The following ABCA13 variants were observed in gnomAD, a reference collection of about 807,000 sequenced individuals.
The protein encoded by ABCA13 is ATP-binding cassette sub-family A member 13.
A neutral mutation model predicts 478.7 loss-of-function variants in ABCA13; 476 were observed. The ratio of observed to expected loss-of-function variants is 0.99; its 90% confidence interval spans 0.92 to 1.07. The LOEUF is 1.07. Ranked by LOEUF, ABCA13 falls within the 50% of genes least tolerant of loss-of-function variation. The pLI is 0.00. For missense variants in ABCA13, 6,060 were observed against 5,910.6 expected (o/e 1.03, Z -0.83); for synonymous variants, 2,252 against 2,158.9 (o/e 1.04, Z -1.20).
intron 55 of ABCA13, among the ~76,000 whole-genome samples, chr7:48,541,014 A>G (rs1033500530): frequency 2.0e-5 from 3 of 152,164 alleles, no homozygotes; most frequent in Admixed American, 1.3e-4. Flanking sequence ...TTTAAGACTA[A>G]GATTTGTTTT....
intron 58 of ABCA13, among the ~76,000 whole-genome samples, chr7:48,608,941 C>G (rs1162412704): frequency 6.6e-6 from 1 of 152,114 alleles, no homozygotes; most frequent in Non-Finnish European, 1.5e-5. Context: ...AAGTCCTACC[C>G]TGGGATTTGT....
At chr7:48,459,535 T>A (rs149888737) in intron 43 of ABCA13, among the ~76,000 whole-genome samples, 1 of 152,200 alleles carries the variant, frequency 6.6e-6, no homozygotes, top group East Asian at 1.9e-4. Flanking sequence ...AGATGCCCCC[T>A]TCCAAGGATC....
intron 41 of ABCA13, among the ~76,000 whole-genome samples, chr7:48,422,925 T>C (rs541660667): frequency 4.5e-4 from 69 of 152,324 alleles, no homozygotes; most frequent in African/African-American, 1.6e-3. Flanking sequence ...CCAAACAATA[T>C]TGGCAGCCAC....
At position 48,367,788 on chromosome 7, in the gene ABCA13, T is replaced by C. The variant is rs758754950; in HGVS notation, c.10689-6T>C. On this transcript the variant is annotated splice_region_variant and splice_polypyrimidine_tract_variant and intron_variant, in intron 31 of 61. Transcript: ENST00000435803. ...TCCGGATGCTGACTGAATTATCCCC[T>C]TACAGATTCCTGAACAACGTTGGTT... The C allele has an allele frequency of 2.7e-5, 42 of 1,554,626 alleles. No homozygotes were observed. Among genetic ancestry groups the C allele is most frequent in the Non-Finnish European group, 3.6e-5 (41 of 1,146,954 alleles).
intron 7 of ABCA13, among the ~76,000 whole-genome samples, chr7:48,230,848 CATTT>C (rs1788960747): frequency 6.6e-6 from 1 of 152,188 alleles, no homozygotes; most frequent in Admixed American, 6.5e-5. Context: ...TTCATCTGTT[CATTT>C]ATTTATTCAT....
At chr7:48,377,011 C>T (rs553414469) in intron 35 of ABCA13, among the ~76,000 whole-genome samples, 1 of 152,196 alleles carries the variant, frequency 6.6e-6, no homozygotes, top group African/African-American at 2.4e-5. Flanking sequence ...ATGGCAGGAC[C>T]TGGGGAGAAG....
chr7:48,214,590 A>G (rs1267374635), intron 3 of ABCA13, among the ~76,000 whole-genome samples: 2 of 152,200 alleles, frequency 1.3e-5, no homozygotes, highest in African/African-American at 4.8e-5. Flanking sequence ...CTTCTGGAGA[A>G]CTTGCTTCAG....
rs1262604710 is a variant in ABCA13, at chr7:48,279,427, G to A, written c.8233G>A (p.Ala2745Thr). The change falls in exon 18 of 62, where the codon GCT becomes ACT. Residue 2745 changes from alanine to threonine, a missense_variant. This residue lies in a region of ABCA13 where 4,423 missense variants were observed against 4,309.1 expected (regional missense o/e 1.03). Coordinates refer to ENST00000435803, the MANE Select transcript of ABCA13 (RefSeq NM_152701.5). ...AATGGTGATCTGTCTCACCTTAGAA[G>A]CTCTTTGGAAAAACTTAAAGAAAGA... Reference protein sequence around the residue: ...LKMVICLTLEALWKNLKKDNW... With the variant: ...LKMVICLTLETLWKNLKKDNW... 1.2e-6 allele frequency: 2 copies of A among 1,604,824 alleles called. No homozygotes were observed. Among genetic ancestry groups the A allele is most frequent in the African/African-American group, 2.7e-5 (2 of 74,904 alleles).
At chr7:48,563,601 C>T (rs569389807) in intron 55 of ABCA13, among the ~76,000 whole-genome samples, 2 of 152,228 alleles carry the variant, frequency 1.3e-5, no homozygotes, top group Admixed American at 6.5e-5. Context: ...GTTGGCTGTG[C>T]ACCAAGTCTC....
chr7:48,513,436 G>A (rs540649792), intron 51 of ABCA13, among the ~76,000 whole-genome samples: 3 of 152,244 alleles, frequency 2.0e-5, no homozygotes, highest in Non-Finnish European at 4.4e-5. Context: ...ATCCAAAAGA[G>A]GGAAGTAACA....
chr7:48,272,761 A>G lies in ABCA13; in HGVS notation c.3095A>G (p.Gln1032Arg). Reference protein sequence around the residue: ...GGISNVSYCQQLLSIFNFLEL... With the variant: ...GGISNVSYCQRLLSIFNFLEL... The stretch of plus-strand genomic sequence containing the variant: ...ATTTCTAATGTATCTTACTGTCAGC[A>G]ATTGCTTTCAATTTTTAACTTTTTG... The change falls in exon 17 of 62, where the codon CAA becomes CGA. Residue 1032 changes from glutamine (Q) to arginine (R), a missense_variant. Transcript: ENST00000435803. 1 of 1,606,850 alleles carries G rather than the reference A, an allele frequency of 6.2e-7. No individual in the cohort carries two copies. Among genetic ancestry groups the G allele is most frequent in the Non-Finnish European group, 8.5e-7 (1 of 1,175,738 alleles).
At chr7:48,209,142 G>A (rs1039957223) in intron 3 of ABCA13, among the ~76,000 whole-genome samples, 3 of 151,646 alleles carry the variant, frequency 2.0e-5, no homozygotes, top group African/African-American at 7.3e-5. Context: ...TGCATCCTTG[G>A]GATGGATGAA....
At position 48,192,121 on chromosome 7, in the gene ABCA13, G is replaced by A. The variant is rs185944301; in HGVS notation, c.70-838G>A. Among the ~76,000 whole-genome samples the A allele has an allele frequency of 4.6e-5, 7 of 151,824 alleles. No individual in the cohort carries two copies. The East Asian group carries it at 1.4e-3, about 29-fold the overall frequency. On this transcript the variant is annotated intron_variant, in intron 1 of 61. Coordinates refer to ENST00000435803, the MANE Select transcript of ABCA13 (RefSeq NM_152701.5). ...ATAAAACAAGTGAAGAATGATGACA[G>A]TAAAATTAATTTTATGACAATTGAG...
chr7:48,289,517 C>T (rs941180123), intron 20 of ABCA13, among the ~76,000 whole-genome samples: 5 of 151,876 alleles, frequency 3.3e-5, no homozygotes, highest in African/African-American at 1.2e-4. Flanking sequence ...AGCCAGCACG[C>T]CTGGCTAATT....
chr7:48,552,679 G>A (rs958589981), intron 55 of ABCA13, among the ~76,000 whole-genome samples: 2 of 150,142 alleles, frequency 1.3e-5, no homozygotes, highest in African/African-American at 4.9e-5. Context: ...GATTTAAGTT[G>A]TTTAATTTTT....
At position 48,281,294 on chromosome 7, in the gene ABCA13, G is replaced by T. The variant is rs1212514217; in HGVS notation, c.8727-49G>T. 4.1e-6 allele frequency: 6 copies of T among 1,474,428 alleles called. No homozygotes were observed. In the South Asian group the frequency reaches 7.3e-5, roughly 18 times the overall value. 91.3% of individuals were successfully genotyped at this position (1,474,428 alleles called of 1,614,324 possible). On this transcript the variant is annotated intron_variant, in intron 18 of 61. Coordinates refer to ENST00000435803, the MANE Select transcript of ABCA13 (RefSeq NM_152701.5). ...ACCTACACAGTAGAGATGCACATGG[G>T]TTGCACATTTTTACCCTTTTATGTC...
intron 48 of ABCA13, among the ~76,000 whole-genome samples, chr7:48,496,737 G>T (rs936132439): frequency 6.6e-6 from 1 of 152,026 alleles, no homozygotes; most frequent in Non-Finnish European, 1.5e-5. Flanking sequence ...TTAAAGAAAA[G>T]CTCAGCACTT....
intron 42 of ABCA13, among the ~76,000 whole-genome samples, chr7:48,430,114 G>A (rs936284298): frequency 4.6e-5 from 7 of 152,060 alleles, no homozygotes; most frequent in Admixed American, 3.9e-4. Context: ...ATTGGTATTA[G>A]CTCTTCTTTC....
At chr7:48,221,863 C>T (rs1787404018) in intron 5 of ABCA13, among the ~76,000 whole-genome samples, 1 of 152,180 alleles carries the variant, frequency 6.6e-6, no homozygotes, top group Non-Finnish European at 1.5e-5. Flanking sequence ...AATCATCTGA[C>T]CCAGAACATC....
Sources: allele counts gnomAD v4.1 joint callset (sites outside exome capture counted in the v4.1 genomes callset), GRCh38; gene constraint gnomAD v4.1.1; regional missense constraint gnomAD v4.1.1; transcripts MANE v1.5; gene names NCBI Gene and HGNC (gene_info 2026-07-23, HGNC 2026-07-21).